The following ATP5PD variants were observed in gnomAD, a reference collection of about 807,000 sequenced individuals.
ATP5PD encodes the protein ATP synthase peripheral stalk subunit d, mitochondrial.
Under a neutral mutation model 22.6 loss-of-function variants are expected in ATP5PD, and 13 were observed. That is an observed-to-expected ratio of 0.58 (90% CI 0.37 to 0.91). The LOEUF is 0.91. Ranked by LOEUF, ATP5PD falls within the 40% of genes least tolerant of loss-of-function variation. The probability of loss-of-function intolerance (pLI) is 0.00; values close to 1 mark genes in which losing one functional copy is unlikely to be tolerated. For synonymous variants in ATP5PD, 51 were observed against 65.0 expected, an observed-to-expected ratio of 0.79 and a Z score of 1.03; for missense variants, 165 against 188.0, an observed-to-expected ratio of 0.88 and a Z score of 0.72.
intron 1 of ATP5PD, among the ~76,000 whole-genome samples, chr17:75,043,474 G>A (rs1027757406): frequency 6.6e-6 from 1 of 152,018 alleles, no homozygotes; most frequent in African/African-American, 2.4e-5. Context: ...TTAGCCGGGC[G>A]TGATGGCATG....
chr17:75,039,786 T>G (rs1360518625), intron 4 of ATP5PD: 1 of 376,432 alleles, frequency 2.7e-6, no homozygotes, highest in Non-Finnish European at 4.8e-6. Flanking sequence ...AGTTTTGATA[T>G]AGGTATCCAC....
chr17:75,045,503 A>T (rs1567988834), intron 1 of ATP5PD, among the ~76,000 whole-genome samples: 1 of 152,314 alleles, frequency 6.6e-6, no homozygotes, highest in South Asian at 2.1e-4. Flanking sequence ...GGTACGCCCC[A>T]GGGGGGCCAG....
Position 75,040,293 on chromosome 17 carries a change from C to T in ATP5PD, c.220-130G>A. 9 of 1,045,214 alleles carry T rather than the reference C, an allele frequency of 8.6e-6. 1 individual carries two copies. The highest frequency in any genetic ancestry group is 1.2e-5 in the Non-Finnish European group (8 of 675,168). The allele number at this position is 1,045,214 out of a possible 1,614,324, so 64.7% of individuals were successfully genotyped here. ...AATCCTTAAAGGTCATACTGAAAGA[C>T]ATTCTGTGTCCCAAGCGGAAACGAA... On this transcript the variant is annotated intron_variant, in intron 3 of 5. Transcript: ENST00000301587.
At chr17:75,039,517 C>A in intron 4 of ATP5PD, 3 of 496,360 alleles carry the variant, frequency 6.0e-6, no homozygotes, top group Non-Finnish European at 1.1e-5. Flanking sequence ...GTTCCTCATC[C>A]GAAGACCTAC....
Position 75,042,630 on chromosome 17 carries a change from AGCAAGTTTTC to A in ATP5PD, c.11_20del (p.Arg4LeufsTer2). On this transcript the variant is annotated frameshift_variant, in exon 2 of 6. Coordinates refer to ENST00000301587, the MANE Select transcript of ATP5PD (RefSeq NM_006356.3). LOFTEE classifies it high-confidence loss of function. ...AAGCTACCCAGTCAATGGTTTTTAGAGCAAGTTTTCGCCCAGCCATTTTGGGATCCTGAAA... is the reference window on the plus strand; with the variant it reads ...AAGCTACCCAGTCAATGGTTTTTAGAGCCCAGCCATTTTGGGATCCTGAAA... The A allele has an allele frequency of 6.2e-7, 1 of 1,610,852 alleles. No individual in the cohort carries two copies. The highest frequency in any genetic ancestry group is 8.5e-7 in the Non-Finnish European group (1 of 1,179,088).
chr17:75,044,306 C>T (rs2073190878), intron 1 of ATP5PD, among the ~76,000 whole-genome samples: 1 of 113,752 alleles, frequency 8.8e-6, no homozygotes, highest in South Asian at 2.9e-4. Flanking sequence ...CCCGGGTTCA[C>T]GCCATTCTCC....
At chr17:75,040,224 G>C (rs2073145374) in intron 3 of ATP5PD, 61 bp from the exon 4 acceptor site, 2 of 1,602,586 alleles carry the variant, frequency 1.2e-6, no homozygotes, top group South Asian at 1.1e-5. Context: ...AGGACAGTGA[G>C]TCGTCGCCAA....
chr17:75,045,606 G>C (rs1421815536), intron 1 of ATP5PD, among the ~76,000 whole-genome samples: 1 of 152,230 alleles, frequency 6.6e-6, no homozygotes, highest in Non-Finnish European at 1.5e-5. Context: ...ATTTGCTTTT[G>C]AAGGAAGAGA....
chr17:75,045,497 C>G (rs1228527683), intron 1 of ATP5PD, among the ~76,000 whole-genome samples: 1 of 152,208 alleles, frequency 6.6e-6, no homozygotes, highest in South Asian at 2.1e-4. Flanking sequence ...GAGACAGGTA[C>G]GCCCCAGGGG....
In ATP5PD at chr17:75,039,851, C is replaced by A. The variant is rs559243791; in HGVS notation, c.291+241G>T. On this transcript the variant is annotated intron_variant, in intron 4 of 5. Transcript: ENST00000301587. ...TCCCCAGGCAGCCACTGTAGACAAA[C>A]TACATTTTCTAGAGTCTTACAAAGA... The A allele has an allele frequency of 3.6e-5, 19 of 521,548 alleles. No homozygotes were observed. The East Asian group carries it at 4.6e-4, about 13-fold the overall frequency. The allele number at this position is 521,548 out of a possible 1,614,324, so 32.3% of individuals were successfully genotyped here.
intron 1 of ATP5PD, 27 bp from the exon 2 acceptor site, chr17:75,042,686 G>C (rs200078977): frequency 6.3e-7 from 1 of 1,584,068 alleles, no homozygotes; most frequent in Non-Finnish European, 8.5e-7. Flanking sequence ...ATAAAAACAA[G>C]GCTTTTTTAT....
chr17:75,042,810 G>A (rs2073174149), intron 1 of ATP5PD, 151 bp from the exon 2 acceptor site: 3 of 808,678 alleles, frequency 3.7e-6, no homozygotes, highest in Non-Finnish European at 5.7e-6. Context: ...GAACCCAGGA[G>A]GTGGAGGTTG....
chr17:75,044,336 GC>G (rs1205041969), intron 1 of ATP5PD, among the ~76,000 whole-genome samples: 9 of 115,470 alleles, frequency 7.8e-5, no homozygotes, highest in Non-Finnish European at 7.8e-5. Flanking sequence ...CTCCCGAGTA[GC>G]TGGGACTACA....
intron 1 of ATP5PD, among the ~76,000 whole-genome samples, chr17:75,046,229 C>G (rs1185113323): frequency 6.6e-6 from 1 of 152,022 alleles, no homozygotes; most frequent in Non-Finnish European, 1.5e-5. Context: ...ATTATAGGGG[C>G]CTTCCACCAC....
At chr17:75,043,421 G>C (rs1160675667) in intron 1 of ATP5PD, among the ~76,000 whole-genome samples, 5 of 152,140 alleles carry the variant, frequency 3.3e-5, no homozygotes, top group Admixed American at 2.0e-4. Flanking sequence ...AGACCAGCCT[G>C]AGCAATAGGG....
intron 3 of ATP5PD, 108 bp from the exon 4 acceptor site, chr17:75,040,271 C>T: frequency 7.8e-7 from 1 of 1,283,046 alleles, no homozygotes; most frequent in Non-Finnish European, 1.1e-6. Flanking sequence ...AGCTACGAAT[C>T]CTTAAAGGTC....
rs1214927408 is a variant in ATP5PD at position 75,039,228 on chromosome 17, A to G, written c.335T>C (p.Ile112Thr). The G allele has an allele frequency of 1.2e-6, 2 of 1,614,068 alleles. No homozygotes were observed. Among genetic ancestry groups the G allele is most frequent in the Non-Finnish European group, 1.7e-6 (2 of 1,180,052 alleles). The part of the protein sequence containing the change: ...AEWVSLSKAR[I>T]VEYEKEMEKM... ...CCTTACCTCTTTCTCATATTCTACAATCCTGGCCTTTGAGAGAGACACCCA... is the reference window on the plus strand; with the variant it reads ...CCTTACCTCTTTCTCATATTCTACAGTCCTGGCCTTTGAGAGAGACACCCA... The change falls in exon 5 of 6, where the codon ATT becomes ACT. Residue 112 changes from isoleucine (I) to threonine (T), a missense_variant. By Grantham distance (89) the Ile-to-Thr change is moderately conservative (BLOSUM62 -1). Coordinates refer to ENST00000301587, the MANE Select transcript of ATP5PD (RefSeq NM_006356.3).
At chr17:75,041,917 G>C (rs762277910) in intron 3 of ATP5PD, 113 of 331,766 alleles carry the variant, frequency 3.4e-4, no homozygotes, top group Non-Finnish European at 5.2e-4. Context: ...GCCCAGGTCA[G>C]AAACAGAGCA....
rs1478763372 is a variant in ATP5PD at position 75,039,072 on chromosome 17, A to AG, written c.355-10dup. 6.2e-7 allele frequency: 1 copy of AG among 1,613,758 alleles called. No homozygotes were observed. ...TTCTTCATCTTCTCCATCTGGAAAG[A>AG]GGGGGAATGTGTTTAGTTAATGTAA... On this transcript the variant is annotated splice_polypyrimidine_tract_variant and intron_variant, in intron 5 of 5. Transcript: ENST00000301587.
Sources: allele counts gnomAD v4.1 joint callset (sites outside exome capture counted in the v4.1 genomes callset), GRCh38; gene constraint gnomAD v4.1.1; transcripts MANE v1.5; gene names NCBI Gene and HGNC (gene_info 2026-07-23, HGNC 2026-07-21).